WDR11: variants seen among roughly 807,000 people sequenced by gnomAD.
WDR11 encodes WD repeat domain 11.
A neutral mutation model predicts 151.2 loss-of-function variants in WDR11; 83 were observed. That is an observed-to-expected ratio of 0.55 (90% CI 0.46 to 0.66). The LOEUF (loss-of-function observed/expected upper bound fraction) is 0.66. WDR11 is among the 30% of genes least tolerant of loss of function. WDR11 has a pLI of 0.00. For synonymous variants in WDR11, 484 were observed against 533.1 expected, an observed-to-expected ratio of 0.91 and a Z score of 1.27; for missense variants, 1,301 against 1,480.9, an observed-to-expected ratio of 0.88 and a Z score of 1.99.
rs751624598 is a variant in WDR11, at chr10:120,904,805, T to G, written c.3187T>G (p.Leu1063Val). The G allele has an allele frequency of 6.2e-7, 1 of 1,614,186 alleles. No individual in the cohort carries two copies. The highest frequency in any genetic ancestry group is 1.1e-5 in the South Asian group (1 of 91,084). ...AACGAATATGATTGCCAATGGCAAA[T>G]TGGCAGGTAAGGCACACTTGATATG... ...VATNMIANGK[L>V]AEGVQLLCLI... Residue 1063 changes from leucine to valine, a missense_variant, in exon 25 of 29, where the codon TTG becomes GTG. Leu to Val is a conservative substitution (Grantham distance 32). This residue lies in a region of WDR11 where 589 missense variants were observed against 670.6 expected (regional missense o/e 0.88). Coordinates refer to ENST00000263461, the MANE Select transcript of WDR11 (RefSeq NM_018117.12).
chr10:120,886,023 A>G (rs764390077), intron 15 of WDR11, 85 bp downstream of exon 15: 21 of 1,576,626 alleles, frequency 1.3e-5, no homozygotes, highest in South Asian at 2.3e-5. Context: ...GAAGGTGTCT[A>G]TGGTAGCAAG....
intron 2 of WDR11, among the ~76,000 whole-genome samples, chr10:120,856,488 C>G (rs1000716392): frequency 1.2e-4 from 17 of 147,416 alleles, no homozygotes; most frequent in African/African-American, 4.3e-4. Context: ...GGCAGGAGAA[C>G]AGCTTAAACC....
chr10:120,902,227 G>GTCTCACTTTTGTCCGGATTTC, intron 21 of WDR11, 30 bp from the exon 22 acceptor site: 1 of 1,605,234 alleles, frequency 6.2e-7, no homozygotes, highest in Non-Finnish European at 8.5e-7. Flanking sequence ...GAAAACTTTT[G>GTCTCACTTTTGTCCGGATTTC]TCTCACTTTT....
At chr10:120,899,961 T>A in intron 19 of WDR11, 68 bp from the exon 20 acceptor site, 8 of 1,342,912 alleles carry the variant, frequency 6.0e-6, no homozygotes, top group Non-Finnish European at 7.5e-6. Flanking sequence ...TGTAAATGGT[T>A]TATAGCTGAA....
intron 11 of WDR11, among the ~76,000 whole-genome samples, chr10:120,875,327 C>T (rs1013059579): frequency 3.3e-5 from 5 of 152,194 alleles, no homozygotes; most frequent in Non-Finnish European, 7.3e-5. Context: ...CTTATGAGTT[C>T]TGTGTATGCA....
intron 15 of WDR11, 51 bp from the exon 16 acceptor site, chr10:120,886,638 C>A: frequency 6.3e-7 from 1 of 1,581,194 alleles, no homozygotes; most frequent in Non-Finnish European, 8.6e-7. Flanking sequence ...TTATGAGTAT[C>A]ACTCTAGGGG....
chr10:120,879,642 A>T (rs1332798267), intron 12 of WDR11: 1 of 152,200 alleles, frequency 6.6e-6, no homozygotes, highest in Non-Finnish European at 1.5e-5. Flanking sequence ...CTTAAGTGGG[A>T]TATTTGAGTT....
chr10:120,880,926 C>G, intron 13 of WDR11, 25 bp downstream of exon 13: 1 of 1,558,596 alleles, frequency 6.4e-7, no homozygotes, highest in Non-Finnish European at 8.8e-7. Flanking sequence ...AAAAAAAAAT[C>G]TATGGTGTTA....
chr10:120,889,901 A>C lies in WDR11; in HGVS notation c.2235A>C (p.Ile745=). The C allele has an allele frequency of 6.2e-7, 1 of 1,612,094 alleles. No individual in the cohort carries two copies. The highest frequency in any genetic ancestry group is 8.5e-7 in the Non-Finnish European group (1 of 1,178,172). Residue 745 remains isoleucine (I), a synonymous_variant, in exon 18 of 29, where the codon ATA becomes ATC. Transcript: ENST00000263461. ...WDLKGRVSRG[I]PTHRSWVRKI... is the part of the protein sequence containing the mutation. ...TTTGTTTCTTTGTCTTCAGAGGAAT[A>C]CCCACACACCGAAGTTGGGTGAGGA...
intron 19 of WDR11, among the ~76,000 whole-genome samples, chr10:120,893,002 GT>G (rs540832008): frequency 0.014 from 2,010 of 142,580 alleles, 18 homozygotes; most frequent in Non-Finnish European, 0.019. Flanking sequence ...CCTCCCCAGT[GT>G]TTTTTTTTTT....
At chr10:120,857,562 A>C (rs1845992294) in intron 2 of WDR11, among the ~76,000 whole-genome samples, 1 of 152,054 alleles carries the variant, frequency 6.6e-6, no homozygotes, top group Admixed American at 6.6e-5. Flanking sequence ...CTCATTTAAA[A>C]ATTTTTGCCT....
At chr10:120,906,746 G>A in intron 27 of WDR11, 30 bp from the exon 28 acceptor site, 1 of 1,613,806 alleles carries the variant, frequency 6.2e-7, no homozygotes, top group Non-Finnish European at 8.5e-7. Context: ...AAATCACAAA[G>A]CATAACTCTT....
At chr10:120,879,481 G>A (rs1846921477) in intron 12 of WDR11, 2 of 151,964 alleles carry the variant, frequency 1.3e-5, no homozygotes, top group Admixed American at 1.3e-4. Context: ...AAATGCTGTT[G>A]TCTAGTATCA....
At chr10:120,874,592 T>G (rs11199620) in intron 11 of WDR11, among the ~76,000 whole-genome samples, 46,755 of 151,194 alleles carry the variant, frequency 0.31, 7,440 homozygotes, top group Admixed American at 0.41. Context: ...CTAGTGTGTG[T>G]TGTTCCCCTC....
intron 11 of WDR11, among the ~76,000 whole-genome samples, chr10:120,877,752 C>CTTTTA (rs1846846616): frequency 6.6e-6 from 1 of 152,048 alleles, no homozygotes; most frequent in African/African-American, 2.4e-5. Context: ...GTTTTTCTAC[C>CTTTTA]TTTTATTAAG....
intron 19 of WDR11, chr10:120,899,753 A>G (rs1847744785): frequency 2.4e-6 from 1 of 415,750 alleles, no homozygotes; most frequent in East Asian, 4.9e-5. Context: ...ACCGCACTCC[A>G]GCCTAGGTGA....
Position 120,905,892 on chromosome 10 carries a change from A to G in WDR11, c.3308A>G (p.Glu1103Gly). The change falls in exon 27 of 29, where the codon GAG (glutamate) becomes GGG (glycine). Residue 1103 changes from glutamate to glycine, a missense_variant. Physicochemically the swap from Glu to Gly is moderately conservative, Grantham distance 98. Coordinates refer to ENST00000263461, the MANE Select transcript of WDR11 (RefSeq NM_018117.12). ...CTTTCTCAGGTCCGTTTGAATCCTGAGGAGTGTGCCGATGTTTTAAGGCGG... is the reference window on the plus strand; with the variant it reads ...CTTTCTCAGGTCCGTTTGAATCCTGGGGAGTGTGCCGATGTTTTAAGGCGG... ...AWLAKVRLNP[E>G]ECADVLRRWV... is the part of the protein sequence containing the mutation. 1 of 1,614,184 alleles carries G rather than the reference A, an allele frequency of 6.2e-7. No individual in the cohort carries two copies.
chr10:120,871,082 A>G, intron 9 of WDR11, 88 bp from the exon 10 acceptor site: 1 of 1,351,104 alleles, frequency 7.4e-7, no homozygotes, highest in Non-Finnish European at 1.0e-6. Context: ...TTTAGACCTG[A>G]AGAGCATTTC....
intron 13 of WDR11, among the ~76,000 whole-genome samples, chr10:120,883,264 C>T (rs1258442137): frequency 6.6e-6 from 1 of 152,122 alleles, no homozygotes. Context: ...CCTCATAATG[C>T]TTATTGAGTA....
Sources: gnomAD v4.1 joint callset for allele counts (sites outside exome capture counted in the v4.1 genomes callset) on GRCh38, gnomAD v4.1.1 for gene constraint, gnomAD v4.1.1 regional missense constraint, MANE v1.5 for transcripts, NCBI Gene and HGNC (gene_info 2026-07-23, HGNC 2026-07-21) for gene names.